GRIN3A: variants seen among roughly 807,000 people sequenced by gnomAD.
GRIN3A encodes the protein glutamate ionotropic receptor NMDA type subunit 3A.
GRIN3A carries 47 observed loss-of-function variants against 92.4 expected under a neutral mutation model. The ratio of observed to expected loss-of-function variants is 0.51; its 90% CI spans 0.40 to 0.65. GRIN3A has a LOEUF of 0.65. GRIN3A is among the 30% of genes least tolerant of loss of function. The pLI, the probability that GRIN3A is intolerant of heterozygous loss-of-function variation, is 0.00. For missense variants in GRIN3A, 1,324 were observed against 1,393.1 expected, an observed-to-expected ratio of 0.95 and a Z score of 0.79; for synonymous variants, 527 against 540.6, an observed-to-expected ratio of 0.97 and a Z score of 0.35.
At chr9:101,626,299 T>G (rs1828634283) in intron 4 of GRIN3A, among the ~76,000 whole-genome samples, 2 of 152,118 alleles carry the variant, frequency 1.3e-5, no homozygotes, top group Non-Finnish European at 2.9e-5. Context: ...TTTGGAAAAC[T>G]GTTAATGAGA....
At chr9:101,678,907 T>C (rs564213093) in intron 2 of GRIN3A, among the ~76,000 whole-genome samples, 18 of 152,364 alleles carry the variant, frequency 1.2e-4, no homozygotes, top group African/African-American at 4.1e-4. Flanking sequence ...CATACCCCTA[T>C]ATCATTGTCC....
chr9:101,687,611 C>T (rs1829556265), intron 1 of GRIN3A, among the ~76,000 whole-genome samples: 1 of 152,092 alleles, frequency 6.6e-6, no homozygotes, highest in Admixed American at 6.6e-5. Flanking sequence ...ACTTTTGTTT[C>T]TTTTTAAAAT....
chr9:101,686,707 C>T lies in GRIN3A; in HGVS notation c.1193G>A (p.Arg398Lys). Residue 398 changes from arginine to lysine, a missense_variant, in exon 2 of 9, where the codon AGA (arginine) becomes AAA (lysine). Transcript: ENST00000361820. ...YVQDAMELVARAVATATMIQP... is the reference protein window; with the variant it reads ...YVQDAMELVAKAVATATMIQP... ...GATCATGGTGGCTGTGGCTACAGCT[C>T]TTGCGACCAGCTCCATAGCATCTTG... 2 of 1,614,190 alleles carry T rather than the reference C, an allele frequency of 1.2e-6. No homozygotes were observed. The highest frequency in any genetic ancestry group is 1.3e-5 in the African/African-American group (1 of 75,054).
intron 1 of GRIN3A, among the ~76,000 whole-genome samples, chr9:101,704,195 T>C (rs1195713347): frequency 6.6e-6 from 1 of 152,186 alleles, no homozygotes; most frequent in Non-Finnish European, 1.5e-5. Context: ...TACTGCAAAA[T>C]TGGATATCCT....
intron 1 of GRIN3A, among the ~76,000 whole-genome samples, chr9:101,694,724 G>A (rs1829662532): frequency 6.6e-6 from 1 of 152,162 alleles, no homozygotes; most frequent in African/African-American, 2.4e-5. Flanking sequence ...GAATGAGAGA[G>A]CTTTGATCAA....
chr9:101,597,114 C>T (rs1376085410), intron 6 of GRIN3A, among the ~76,000 whole-genome samples: 1 of 152,180 alleles, frequency 6.6e-6, no homozygotes, highest in Non-Finnish European at 1.5e-5. Context: ...AGGACACAAC[C>T]ACTGACAGAT....
intron 1 of GRIN3A, among the ~76,000 whole-genome samples, chr9:101,734,063 C>G (rs1219466870): frequency 6.6e-6 from 1 of 151,964 alleles, no homozygotes; most frequent in African/African-American, 2.4e-5. Context: ...ATTAACTCTG[C>G]CTAATAGAAC....
At chr9:101,629,580 C>T (rs898890497) in intron 3 of GRIN3A, among the ~76,000 whole-genome samples, 3 of 152,162 alleles carry the variant, frequency 2.0e-5, no homozygotes, top group Admixed American at 6.6e-5. Context: ...AGTAATATAG[C>T]TTGCTCTAAG....
At chr9:101,705,056 C>T (rs1564148787) in intron 1 of GRIN3A, among the ~76,000 whole-genome samples, 1 of 152,020 alleles carries the variant, frequency 6.6e-6, no homozygotes, top group Non-Finnish European at 1.5e-5. Flanking sequence ...AGGGCTAGGT[C>T]CCTGGCAAGG....
At chr9:101,711,563 A>G (rs1829879508) in intron 1 of GRIN3A, among the ~76,000 whole-genome samples, 1 of 152,162 alleles carries the variant, frequency 6.6e-6, no homozygotes, top group African/African-American at 2.4e-5. Context: ...AGACTGAAGG[A>G]AGAGAAAGGG....
At position 101,677,345 on chromosome 9, in the gene GRIN3A, CTTTAT is replaced by C. The variant is rs530921435; in HGVS notation, c.1305-6243_1305-6239del. ...GTTGGCTCATTGTTTCTTTAATACT[CTTTAT>C]TTTATTTTATTTTTTCTGAATTTTT... On this transcript the variant is annotated intron_variant, in intron 2 of 8. Coordinates refer to ENST00000361820, the MANE Select transcript of GRIN3A (RefSeq NM_133445.3). Among the ~76,000 whole-genome samples, 18 of 151,996 alleles carry C rather than the reference CTTTAT, an allele frequency of 1.2e-4. No individual in the cohort carries two copies. In the East Asian group the frequency reaches 3.3e-3, roughly 28 times the overall value.
At chr9:101,583,274 G>C (rs917130012) in intron 6 of GRIN3A, among the ~76,000 whole-genome samples, 4 of 152,162 alleles carry the variant, frequency 2.6e-5, no homozygotes, top group African/African-American at 9.6e-5. Context: ...TTCACTATTC[G>C]CTATAACAAC....
intron 3 of GRIN3A, among the ~76,000 whole-genome samples, chr9:101,668,366 ATT>A (rs71906525): frequency 6.7e-6 from 1 of 148,532 alleles, no homozygotes; most frequent in Admixed American, 6.7e-5. Context: ...CATATATTAG[ATT>A]TTTTTTTTTA....
intron 3 of GRIN3A, among the ~76,000 whole-genome samples, chr9:101,669,332 T>G (rs1829284816): frequency 6.6e-6 from 1 of 152,092 alleles, no homozygotes; most frequent in Non-Finnish European, 1.5e-5. Context: ...TTACCTGCTT[T>G]GGCTGTTTAC....
rs1033175539 is a variant in GRIN3A, at chr9:101,737,921, G to T, written c.59C>A (p.Pro20His). 6 of 1,536,722 alleles carry T rather than the reference G, an allele frequency of 3.9e-6. No individual in the cohort carries two copies. The South Asian group carries it at 7.1e-5, about 18-fold the overall frequency. ...CACCCCGGCCAGCACCAGTGCGCAG[G>T]GCGGCGGCAACAGCAGACAGACCCT... ...LSRVCLLLPP[P>H]CALVLAGVPS... Residue 20 changes from proline to histidine, a missense_variant, in exon 1 of 9, where the codon CCC (proline) becomes CAC (histidine). Pro to His is a moderately conservative substitution (Grantham distance 77). Transcript: ENST00000361820.
chr9:101,629,243 T>G (rs1027839706), intron 3 of GRIN3A, among the ~76,000 whole-genome samples: 5 of 152,116 alleles, frequency 3.3e-5, no homozygotes, highest in African/African-American at 7.2e-5. Flanking sequence ...ATACATTTAT[T>G]TAAATGCCAT....
chr9:101,726,996 A>C (rs1830088508), intron 1 of GRIN3A, among the ~76,000 whole-genome samples: 1 of 152,274 alleles, frequency 6.6e-6, no homozygotes, highest in East Asian at 1.9e-4. Context: ...AAGACAATGA[A>C]AGGACAGGGG....
intron 3 of GRIN3A, among the ~76,000 whole-genome samples, chr9:101,663,927 T>C (rs1000967072): frequency 5.3e-5 from 8 of 151,726 alleles, no homozygotes; most frequent in Non-Finnish European, 1.0e-4. Context: ...AAAGAAGTAC[T>C]AGAAAGTCCA....
intron 6 of GRIN3A, among the ~76,000 whole-genome samples, chr9:101,603,770 A>G (rs559926413): frequency 1.3e-4 from 20 of 152,234 alleles, no homozygotes; most frequent in Admixed American, 3.3e-4. Context: ...AATTCTGTCA[A>G]TCCAGTATGA....
Sources: allele counts gnomAD v4.1 joint callset (sites outside exome capture counted in the v4.1 genomes callset), GRCh38; gene constraint gnomAD v4.1.1; transcripts MANE v1.5; gene names NCBI Gene and HGNC (gene_info 2026-07-23, HGNC 2026-07-21).